CYP4F12: variants seen among roughly 807,000 people sequenced by gnomAD.
The protein encoded by CYP4F12 is cytochrome P450 4F12.
A neutral mutation model predicts 56.5 loss-of-function variants in CYP4F12; 60 were observed. The observed-to-expected ratio is 1.06, with a 90% CI of 0.86 to 1.32. The LOEUF (loss-of-function observed/expected upper bound fraction) is 1.32, where lower values mean the gene tolerates loss of function less well. Among genes scored for constraint, CYP4F12 ranks in the 40% most tolerant of loss-of-function variants. The pLI is 0.00. For synonymous variants in CYP4F12, 263 were observed against 264.9 expected, an observed-to-expected ratio of 0.99 and a Z score of 0.07; for missense variants, 711 against 683.5, an observed-to-expected ratio of 1.04 and a Z score of -0.45.
In CYP4F12 at chr19:15,676,387, C is replaced by T. The variant is rs1358131874; in HGVS notation, c.199-1874C>T. Among the ~76,000 whole-genome samples, 7 of 91,344 alleles carry T rather than the reference C, an allele frequency of 7.7e-5. No homozygotes were observed. In the Admixed American group the frequency reaches 7.9e-4, roughly 10 times the overall value. 59.9% of individuals were successfully genotyped at this position (91,344 alleles called of 152,430 possible). A position where few individuals can be genotyped will look rare whatever the true frequency, so the allele number is the denominator to read the frequency against. ...CATTCCTCTCCTCACTCACTCATTCCTCTCCTCACTCACTCATTCCTGTGC... is the reference window on the plus strand; with the variant it reads ...CATTCCTCTCCTCACTCACTCATTCTTCTCCTCACTCACTCATTCCTGTGC... On this transcript the variant is annotated intron_variant, in intron 2 of 12. Transcript: ENST00000550308.
rs1289459851 is a variant in CYP4F12 at position 15,696,237 on chromosome 19, C to G, written c.1314+12C>G. On this transcript the variant is annotated intron_variant, in intron 11 of 12. Coordinates refer to ENST00000550308, the MANE Select transcript of CYP4F12 (RefSeq NM_023944.4). ...GGCCGGATCCTGAGGTGCTGCCTTC[C>G]CCATTCACCACCACCACCCCCATCC... 6.2e-7 allele frequency: 1 copy of G among 1,614,028 alleles called. No homozygotes were observed. Among genetic ancestry groups the G allele is most frequent in the Admixed American group, 1.7e-5 (1 of 60,010 alleles).
At chr19:15,683,096 G>GAGAGAGAC (rs879700979) in intron 6 of CYP4F12, among the ~76,000 whole-genome samples, 2,369 of 151,568 alleles carry the variant, frequency 0.016, 2 homozygotes, top group African/African-American at 0.056. Flanking sequence ...GAGAGACAGA[G>GAGAGAGAC]AGAGAGAGAG....
intron 9 of CYP4F12, among the ~76,000 whole-genome samples, chr19:15,694,572 G>C (rs1173034554): frequency 6.6e-6 from 1 of 152,154 alleles, no homozygotes; most frequent in Non-Finnish European, 1.5e-5. Flanking sequence ...TTGCTTATCA[G>C]CTTAAGGAGA....
At chr19:15,689,416 T>C (rs1415216631) in intron 9 of CYP4F12, among the ~76,000 whole-genome samples, 1 of 152,136 alleles carries the variant, frequency 6.6e-6, no homozygotes, top group East Asian at 1.9e-4. Context: ...TGAGATACCA[T>C]CTTGTTTCTA....
rs1253597220 is a variant in CYP4F12 at position 15,676,459 on chromosome 19, A to ACTCATTCCTCT, written c.199-1802_199-1801insCTCATTCCTCT. 2.5e-4 allele frequency among the ~76,000 whole-genome samples: 5 copies of ACTCATTCCTCT among 20,358 alleles called. 1 individual carries two copies. Among genetic ancestry groups the ACTCATTCCTCT allele is most frequent in the African/African-American group, 6.3e-4 (4 of 6,300 alleles). 13.4% of individuals were successfully genotyped at this position (20,358 alleles called of 152,430 possible). ...CACTCACTCATTCCTCTCCTCATTC[A>ACTCATTCCTCT]GTCATTCCTGTCCTCACTCACTCAT... is the stretch of plus-strand genomic sequence containing the variant. On this transcript the variant is annotated intron_variant, in intron 2 of 12. Coordinates refer to ENST00000550308, the MANE Select transcript of CYP4F12 (RefSeq NM_023944.4).
chr19:15,692,020 C>T (rs1019810198), intron 9 of CYP4F12, among the ~76,000 whole-genome samples: 5 of 152,002 alleles, frequency 3.3e-5, no homozygotes, highest in Admixed American at 6.6e-5. Flanking sequence ...TGCAGTGGTG[C>T]GATCTCAGCT....
At position 15,674,689 on chromosome 19, in the gene CYP4F12, C is replaced by T. The variant is rs9305062; in HGVS notation, c.198+962C>T. On this transcript the variant is annotated intron_variant, in intron 2 of 12. Coordinates refer to ENST00000550308, the MANE Select transcript of CYP4F12 (RefSeq NM_023944.4). ...CCTCTCCTCACTCACTCATTCCTCTCCTCATTCACTGATTCCTCTACCCAC... is the reference window on the plus strand; with the variant it reads ...CCTCTCCTCACTCACTCATTCCTCTTCTCATTCACTGATTCCTCTACCCAC... 4.1e-3 allele frequency among the ~76,000 whole-genome samples: 554 copies of T among 134,780 alleles called. 5 individuals carry two copies. Among genetic ancestry groups the T allele is most frequent in the South Asian group, 7.5e-3 (31 of 4,142 alleles). The allele number at this position is 134,780 out of a possible 152,430, so 88.4% of individuals were successfully genotyped here. A position where few individuals can be genotyped will look rare whatever the true frequency, so the allele number is the denominator to read the frequency against.
chr19:15,674,363 T>C (rs1429209117), intron 2 of CYP4F12, among the ~76,000 whole-genome samples: 1 of 82,536 alleles, frequency 1.2e-5, no homozygotes, highest in Non-Finnish European at 2.5e-5. Context: ...ATTCCTCTCC[T>C]CACTCACTCA....
At chr19:15,676,377 TCACTCATTCCTCTCCTCAC>T (rs2006927813) in intron 2 of CYP4F12, among the ~76,000 whole-genome samples, 1 of 135,964 alleles carries the variant, frequency 7.4e-6, no homozygotes, top group Non-Finnish European at 1.6e-5. Flanking sequence ...CTCTCCTCAC[TCACTCATTCCTCTCCTCAC>T]TCACTCATTC....
At chr19:15,682,605 C>G (rs2285890) in intron 6 of CYP4F12, 95 bp downstream of exon 6, 1 of 1,555,252 alleles carries the variant, frequency 6.4e-7, no homozygotes, top group Non-Finnish European at 8.8e-7. Context: ...AAGTACCTTT[C>G]GGGAGGATTT....
At chr19:15,673,357 A>G (rs7254627) in intron 1 of CYP4F12, 172 bp from the exon 2 acceptor site, 648,903 of 710,364 alleles carry the variant, frequency 0.91, 295,565 homozygotes, top group East Asian at 1. Flanking sequence ...GAGGCCACTT[A>G]GTTGTTGGTT....
chr19:15,695,509 A>AAAAAC (rs372256730), intron 9 of CYP4F12, among the ~76,000 whole-genome samples: 40,976 of 150,284 alleles, frequency 0.27, 5,653 homozygotes, highest in African/African-American at 0.36. Context: ...ATAATAAAAA[A>AAAAAC]AAAAAAACAA....
intron 3 of CYP4F12, among the ~76,000 whole-genome samples, chr19:15,679,764 C>A (rs984214334): frequency 1.3e-5 from 2 of 152,178 alleles, no homozygotes; most frequent in Non-Finnish European, 1.5e-5. Flanking sequence ...CCATTCTAAT[C>A]ACGCTTGAAG....
chr19:15,683,870 A>G (rs1304180518), intron 7 of CYP4F12, 107 bp downstream of exon 7: 35 of 1,412,454 alleles, frequency 2.5e-5, no homozygotes, highest in Non-Finnish European at 3.3e-5. Context: ...GCCATGGAAG[A>G]TGCTTGAGAA....
At chr19:15,690,441 G>A (rs761946157) in intron 9 of CYP4F12, among the ~76,000 whole-genome samples, 3 of 152,010 alleles carry the variant, frequency 2.0e-5, no homozygotes, top group Non-Finnish European at 2.9e-5. Flanking sequence ...TCCTTCTAAC[G>A]GAAACTTGTA....
chr19:15,675,669 T>A (rs2006883526), intron 2 of CYP4F12, among the ~76,000 whole-genome samples: 1 of 152,146 alleles, frequency 6.6e-6, no homozygotes, highest in South Asian at 2.1e-4. Context: ...CCTTGGATCT[T>A]GGGGACAGCT....
chr19:15,683,444 G>T, intron 6 of CYP4F12, 49 bp from the exon 7 acceptor site: 1 of 1,532,116 alleles, frequency 6.5e-7, no homozygotes, highest in Non-Finnish European at 8.8e-7. Flanking sequence ...TGTTCCTGGG[G>T]CTTTGCATAC....
chr19:15,686,750 G>A (rs2144742933), intron 9 of CYP4F12, among the ~76,000 whole-genome samples: 1 of 152,262 alleles, frequency 6.6e-6, no homozygotes, highest in South Asian at 2.1e-4. Flanking sequence ...GAGCTACTGT[G>A]GAGAGAGGAC....
intron 5 of CYP4F12, 171 bp downstream of exon 5, chr19:15,680,690 C>A (rs1197003892): frequency 1.2e-6 from 1 of 858,528 alleles, no homozygotes; most frequent in Non-Finnish European, 1.9e-6. Context: ...CTTGAAAGGT[C>A]ATTTACTTGG....
Sources: gnomAD v4.1 joint callset for allele counts (sites outside exome capture counted in the v4.1 genomes callset) on GRCh38, gnomAD v4.1.1 for gene constraint, MANE v1.5 for transcripts, NCBI Gene and HGNC (gene_info 2026-07-23, HGNC 2026-07-21) for gene names.